Variants in RGS6 observed in about 807,000 individuals in gnomAD.
RGS6 encodes regulator of G protein signaling 6.
In RGS6, 30 loss-of-function variants were observed where a neutral mutation model predicts 78.5. The observed-to-expected ratio is 0.38, with a 90% CI of 0.29 to 0.52. The LOEUF (loss-of-function observed/expected upper bound fraction) is 0.52. Among genes scored for constraint, RGS6 ranks in the 20% least tolerant of loss-of-function variants. RGS6 has a pLI of 0.85. For synonymous variants in RGS6, 206 were observed against 206.0 expected, an observed-to-expected ratio of 1.00 and a Z score of 0.00; for missense variants, 495 against 609.7, an observed-to-expected ratio of 0.81 and a Z score of 1.98.
the RGS6 span, among the ~76,000 whole-genome samples, chr14:71,898,886 G>A: frequency 1.3e-5 from 2 of 152,128 alleles, no homozygotes; most frequent in East Asian, 1.9e-4. Flanking sequence ...TGGTGTATAT[G>A]TGCCACATTT....
At chr14:72,216,707 A>G (rs550700191) in intron 2 of RGS6, among the ~76,000 whole-genome samples, 1 of 152,216 alleles carries the variant, frequency 6.6e-6, no homozygotes, top group Non-Finnish European at 1.5e-5. Context: ...CTGTAGAAAT[A>G]AAATTGAAGA....
chr14:72,594,128 T>C, the RGS6 span, among the ~76,000 whole-genome samples: 1 of 152,178 alleles, frequency 6.6e-6, no homozygotes, highest in African/African-American at 2.4e-5. Flanking sequence ...AAGTCTTTTA[T>C]GAGGTAAGTA....
chr14:72,602,688 TAATTGGAAATGTA>T, the RGS6 span, among the ~76,000 whole-genome samples: 2 of 152,204 alleles, frequency 1.3e-5, no homozygotes, highest in Admixed American at 1.3e-4. Context: ...TTCCATTATG[TAATTGGAAATGTA>T]TTCCCAAGGG....
At chr14:72,133,651 T>C (rs1288479603) in intron 2 of RGS6, among the ~76,000 whole-genome samples, 1 of 152,132 alleles carries the variant, frequency 6.6e-6, no homozygotes, top group South Asian at 2.1e-4. Flanking sequence ...GAAGATACTA[T>C]GTCAGAGAAT....
the RGS6 span, among the ~76,000 whole-genome samples, chr14:72,621,271 A>T: frequency 7.9e-5 from 12 of 152,068 alleles, no homozygotes; most frequent in Non-Finnish European, 1.5e-4. Context: ...TGTTTTCCTC[A>T]TCACTGCATC....
intron 2 of RGS6, among the ~76,000 whole-genome samples, chr14:72,266,823 C>T (rs913558022): frequency 2.0e-5 from 3 of 152,122 alleles, no homozygotes; most frequent in African/African-American, 7.2e-5. Context: ...AGGCTAAGAC[C>T]AGGAGTGGTT....
At chr14:72,157,711 C>T (rs1400605880) in intron 2 of RGS6, among the ~76,000 whole-genome samples, 1 of 152,104 alleles carries the variant, frequency 6.6e-6, no homozygotes, top group Non-Finnish European at 1.5e-5. Context: ...TGGGAAAATG[C>T]ACTTGGCAGT....
chr14:72,378,024 G>A (rs79911895), intron 3 of RGS6, among the ~76,000 whole-genome samples: 3,616 of 152,044 alleles, frequency 0.024, 122 homozygotes, highest in Admixed American at 0.066. Flanking sequence ...TAATCTGACC[G>A]CAATGGAATA....
intron 2 of RGS6, among the ~76,000 whole-genome samples, chr14:72,233,772 C>T (rs550622387): frequency 7.2e-5 from 11 of 152,126 alleles, no homozygotes; most frequent in African/African-American, 1.4e-4. Flanking sequence ...CCAGACCGGA[C>T]GCTAGAGGCT....
chr14:72,035,887 T>G (rs2091622537), intron 2 of RGS6, among the ~76,000 whole-genome samples: 2 of 152,180 alleles, frequency 1.3e-5, no homozygotes, highest in African/African-American at 2.4e-5. Context: ...TATGGTAAAA[T>G]TGACGTTGTA....
At chr14:72,098,057 T>C (rs1249301227) in intron 2 of RGS6, among the ~76,000 whole-genome samples, 3 of 152,118 alleles carry the variant, frequency 2.0e-5, no homozygotes, top group African/African-American at 7.2e-5. Context: ...AACTGGACCA[T>C]ATAAGCTTTT....
chr14:72,019,529 G>A (rs2153263667), intron 2 of RGS6, among the ~76,000 whole-genome samples: 1 of 152,182 alleles, frequency 6.6e-6, no homozygotes, highest in Admixed American at 6.5e-5. Context: ...AGATCTCCAG[G>A]GAATTAATAG....
At chr14:72,451,683 C>T (rs996320987) in intron 3 of RGS6, among the ~76,000 whole-genome samples, 1 of 152,122 alleles carries the variant, frequency 6.6e-6, no homozygotes, top group Non-Finnish European at 1.5e-5. Flanking sequence ...AAAGATAATC[C>T]GCAGGCCTGG....
At chr14:72,176,166 A>G (rs1042385612) in intron 2 of RGS6, among the ~76,000 whole-genome samples, 1 of 152,238 alleles carries the variant, frequency 6.6e-6, no homozygotes, top group Non-Finnish European at 1.5e-5. Context: ...TTGGGGTTTC[A>G]TAACAGTGAT....
intron 2 of RGS6, among the ~76,000 whole-genome samples, chr14:72,234,694 G>A (rs1488974662): frequency 6.6e-6 from 1 of 151,924 alleles, no homozygotes; most frequent in Non-Finnish European, 1.5e-5. Flanking sequence ...CTCAGTCTCT[G>A]CTTGCAGTGC....
Position 72,482,299 on chromosome 14 carries a change from C to T in RGS6, c.854+3970C>T, listed in dbSNP as rs117961300. On this transcript the variant is annotated intron_variant, in intron 12 of 17. Transcript: ENST00000553525. ...CCTGCTTCCCCTTCCCTAAATGGCC[C>T]CAGATAATAATATTCTTTGAATTCC... Among the ~76,000 whole-genome samples the T allele has an allele frequency of 3.8e-4, 58 of 152,172 alleles. 1 individual carries two copies. The highest frequency in any genetic ancestry group is 2.5e-3 in the East Asian group (13 of 5,186).
intron 3 of RGS6, among the ~76,000 whole-genome samples, chr14:72,430,887 C>G (rs1274521438): frequency 2.0e-5 from 3 of 152,074 alleles, no homozygotes; most frequent in Non-Finnish European, 2.9e-5. Context: ...TCTGCAGGGC[C>G]CAGAAAATAT....
chr14:72,498,859 T>C (rs1032607230), intron 13 of RGS6, among the ~76,000 whole-genome samples: 2 of 152,182 alleles, frequency 1.3e-5, no homozygotes, highest in African/African-American at 4.8e-5. Flanking sequence ...CCTGAGCAGT[T>C]CACACAGGAG....
At chr14:72,593,652 G>A in the RGS6 span, among the ~76,000 whole-genome samples, 3 of 152,160 alleles carry the variant, frequency 2.0e-5, no homozygotes, top group African/African-American at 2.4e-5. Context: ...CTCCCAAAGC[G>A]CTGGGATTAC....
Sources: allele counts gnomAD v4.1 joint callset (sites outside exome capture counted in the v4.1 genomes callset), GRCh38; gene constraint gnomAD v4.1.1; transcripts MANE v1.5; gene names NCBI Gene and HGNC (gene_info 2026-07-23, HGNC 2026-07-21).